CSNK1G1: variants seen among roughly 807,000 people sequenced by gnomAD.
The protein encoded by CSNK1G1 is casein kinase 1 gamma 1.
In CSNK1G1, 22 loss-of-function variants were observed where a neutral mutation model predicts 59.6. The observed-to-expected ratio is 0.37, with a 90% confidence interval of 0.26 to 0.53. The LOEUF (loss-of-function observed/expected upper bound fraction) is 0.53, where lower values mean the gene tolerates loss of function less well. Ranked by LOEUF, CSNK1G1 falls within the 20% of genes least tolerant of loss-of-function variation. CSNK1G1 has a pLI of 0.89. For synonymous variants in CSNK1G1, 179 were observed against 177.1 expected (o/e 1.01, Z -0.08); for missense variants, 384 against 519.5 (o/e 0.74, Z 2.54).
In CSNK1G1 at chr15:64,188,838, G is replaced by GT. The variant is rs2140224389; in HGVS notation, c.1108-8385dup. ...CCACTAAGCAGATCAAACTCAGAAT[G>GT]TTAAGATTGTTCGGAGTGGTGGCAT... On this transcript the variant is annotated intron_variant, in intron 10 of 11. Coordinates refer to ENST00000303052, the MANE Select transcript of CSNK1G1 (RefSeq NM_022048.5). The surrounding 1 kb of genome is among the most constrained non-coding windows in gnomAD (Gnocchi z 4.2). Among the ~76,000 whole-genome samples, 2 of 152,248 alleles carry GT rather than the reference G, an allele frequency of 1.3e-5. No individual in the cohort carries two copies. The highest frequency in any genetic ancestry group is 2.9e-5 in the Non-Finnish European group (2 of 68,006).
chr15:64,330,358 A>G (rs1352948000), intron 1 of CSNK1G1, among the ~76,000 whole-genome samples: 4 of 150,682 alleles, frequency 2.7e-5, no homozygotes, highest in Non-Finnish European at 4.4e-5. Context: ...CTGGGATGCA[A>G]GGCTGGTTCA....
At chr15:64,249,549 C>A (rs1402803610) in intron 4 of CSNK1G1, among the ~76,000 whole-genome samples, 1 of 152,118 alleles carries the variant, frequency 6.6e-6, no homozygotes, top group African/African-American at 2.4e-5. Context: ...GGAGACAGAC[C>A]AACGATGGCC....
chr15:64,212,370 G>A (rs72756936), intron 6 of CSNK1G1, among the ~76,000 whole-genome samples: 6,742 of 152,234 alleles, frequency 0.044, 195 homozygotes, highest in South Asian at 0.085. Flanking sequence ...AACCTGTGTA[G>A]TTTACTCAAT....
Position 64,188,150 on chromosome 15 carries a change from C to T in CSNK1G1, c.1108-7696G>A, listed in dbSNP as rs1231614247. 1.3e-5 allele frequency among the ~76,000 whole-genome samples: 2 copies of T among 152,180 alleles called. No homozygotes were observed. The highest frequency in any genetic ancestry group is 1.5e-5 in the Non-Finnish European group (1 of 68,032). On this transcript the variant is annotated intron_variant, in intron 10 of 11. Coordinates refer to ENST00000303052, the MANE Select transcript of CSNK1G1 (RefSeq NM_022048.5). The surrounding 1 kb of genome is among the most constrained non-coding windows in gnomAD (Gnocchi z 4.2). ...TGGTAGGACTAGGTTAACCAGAAAT[C>T]AGTATCAGAAATCATATAGATGTTT...
In CSNK1G1 at chr15:64,278,423, TATA is replaced by T. The variant is rs1166269327; in HGVS notation, c.182-19185_182-19183del. Among the ~76,000 whole-genome samples the T allele has an allele frequency of 7.3e-4, 83 of 113,058 alleles. 2 individuals carry two copies. The highest frequency in any genetic ancestry group is 2.5e-3 in the African/African-American group (63 of 25,124). The allele number at this position is 113,058 out of a possible 152,430, so 74.2% of individuals were successfully genotyped here. On this transcript the variant is annotated intron_variant, in intron 2 of 11. Coordinates refer to ENST00000303052, the MANE Select transcript of CSNK1G1 (RefSeq NM_022048.5). ...GTGTGTGTGTGTGTGTGTGTGTATA[TATA>T]TATATATTTTTTTTTTTTTGGACAC...
At chr15:64,231,419 A>G (rs75023273) in intron 4 of CSNK1G1, among the ~76,000 whole-genome samples, 8,084 of 147,680 alleles carry the variant, frequency 0.055, 675 homozygotes, top group African/African-American at 0.18. Context: ...ATGTATATGT[A>G]TATATATATT....
chr15:64,190,936 G>T (rs1596069347), intron 10 of CSNK1G1, among the ~76,000 whole-genome samples: 1 of 151,782 alleles, frequency 6.6e-6, no homozygotes, highest in Non-Finnish European at 1.5e-5. Context: ...GTACTGTCAG[G>T]TTTCTAAAAA....
intron 6 of CSNK1G1, among the ~76,000 whole-genome samples, chr15:64,208,970 T>C (rs1054731435): frequency 3.3e-5 from 5 of 151,634 alleles, no homozygotes; most frequent in African/African-American, 1.2e-4. Context: ...CACTGCAGCC[T>C]CGCCCTCCTG....
rs569209531 is a variant in CSNK1G1, at chr15:64,228,613, C to T, written c.293-11900G>A. Among the ~76,000 whole-genome samples the T allele has an allele frequency of 1.6e-4, 24 of 152,096 alleles. No homozygotes were observed. The South Asian group carries it at 4.2e-3, about 26-fold the overall frequency. ...ATCATGCCACTGTACTCCAGCCTGGCAACACAGCAAGACTCCGTCTCAAAA... is the reference window on the plus strand; with the variant it reads ...ATCATGCCACTGTACTCCAGCCTGGTAACACAGCAAGACTCCGTCTCAAAA... On this transcript the variant is annotated intron_variant, in intron 4 of 11. Coordinates refer to ENST00000303052, the MANE Select transcript of CSNK1G1 (RefSeq NM_022048.5).
intron 4 of CSNK1G1, among the ~76,000 whole-genome samples, chr15:64,217,339 G>C (rs1343179622): frequency 6.6e-6 from 1 of 152,152 alleles, no homozygotes; most frequent in Non-Finnish European, 1.5e-5. Context: ...CTGATGAAAG[G>C]AAAAGGGGGA....
At chr15:64,183,018 G>C (rs1341881967) in intron 10 of CSNK1G1, among the ~76,000 whole-genome samples, 2 of 152,118 alleles carry the variant, frequency 1.3e-5, no homozygotes, top group Non-Finnish European at 2.9e-5. Context: ...CTCATTCTGT[G>C]AGCACAAAGG....
intron 2 of CSNK1G1, among the ~76,000 whole-genome samples, chr15:64,299,695 C>T (rs1007093857): frequency 2.6e-5 from 4 of 152,110 alleles, no homozygotes; most frequent in Middle Eastern, 6.8e-3. Flanking sequence ...CCATCTCACC[C>T]ATAAATTCAT....
intron 11 of CSNK1G1, among the ~76,000 whole-genome samples, chr15:64,179,364 T>TA (rs1451827243): frequency 1.3e-5 from 2 of 151,704 alleles, no homozygotes; most frequent in African/African-American, 4.9e-5. Context: ...CTCACTAACT[T>TA]ACATTTAGAG....
intron 1 of CSNK1G1, among the ~76,000 whole-genome samples, chr15:64,350,268 C>T (rs1222139113): frequency 2.0e-5 from 3 of 151,870 alleles, no homozygotes; most frequent in South Asian, 2.1e-4. Flanking sequence ...CCAAGGCGGG[C>T]GGATCACAAG....
intron 1 of CSNK1G1, among the ~76,000 whole-genome samples, chr15:64,320,678 C>CAAAAAAAA (rs1031206646): frequency 1.6e-4 from 7 of 42,836 alleles, no homozygotes; most frequent in Non-Finnish European, 3.7e-4. Context: ...GGCTCCATCA[C>CAAAAAAAA]AAAAAAAAAA....
At chr15:64,337,400 A>T (rs1213648116) in intron 1 of CSNK1G1, among the ~76,000 whole-genome samples, 1 of 152,170 alleles carries the variant, frequency 6.6e-6, no homozygotes, top group African/African-American at 2.4e-5. Context: ...CCAGGCTGAA[A>T]TGCAGTCGTA....
chr15:64,335,852 T>C (rs1450100100), intron 1 of CSNK1G1: 1 of 152,186 alleles, frequency 6.6e-6, no homozygotes, highest in Non-Finnish European at 1.5e-5. Context: ...AGTCATTTCA[T>C]TTCAAAAACC....
At chr15:64,201,540 C>G (rs2082107567) in intron 10 of CSNK1G1, among the ~76,000 whole-genome samples, 1 of 152,152 alleles carries the variant, frequency 6.6e-6, no homozygotes. Flanking sequence ...CCAGAGTTTG[C>G]TTAACCCTTT....
intron 7 of CSNK1G1, among the ~76,000 whole-genome samples, chr15:64,206,243 C>G (rs955720730): frequency 6.6e-6 from 1 of 152,152 alleles, no homozygotes. Flanking sequence ...AGTTTGAGAC[C>G]AGTCTGGCCA....
Sources: allele counts gnomAD v4.1 joint callset (sites outside exome capture counted in the v4.1 genomes callset), GRCh38; gene constraint gnomAD v4.1.1; non-coding constraint Gnocchi (gnomAD v3.1); transcripts MANE v1.5; gene names NCBI Gene and HGNC (gene_info 2026-07-23, HGNC 2026-07-21).